Variants in MCHR2 observed in about 807,000 individuals in gnomAD.
MCHR2 encodes melanin concentrating hormone receptor 2, also known as melanin-concentrating hormone receptor 2.
In MCHR2, 15 loss-of-function variants were observed where a neutral mutation model predicts 24.8. The ratio of observed to expected loss-of-function variants is 0.60; its 90% CI spans 0.40 to 0.93. The LOEUF is 0.93. Among genes scored for constraint, MCHR2 ranks in the 40% least tolerant of loss-of-function variants. The pLI is 0.00. For missense variants in MCHR2, 386 were observed against 408.7 expected (o/e 0.94, Z 0.48); for synonymous variants, 151 against 147.6 (o/e 1.02, Z -0.17).
chr6:99,988,141 A>G (rs1020506955), intron 1 of MCHR2, among the ~76,000 whole-genome samples: 64 of 152,312 alleles, frequency 4.2e-4, no homozygotes, highest in Middle Eastern at 6.8e-3. Context: ...TGTCAGTTTC[A>G]GAAGACCCAG....
intron 5 of MCHR2, among the ~76,000 whole-genome samples, chr6:99,926,117 G>T (rs1281648728): frequency 1.4e-4 from 21 of 152,094 alleles, no homozygotes; most frequent in Admixed American, 2.6e-4. Context: ...AGTTTACTGA[G>T]AATGATGATT....
intron 1 of MCHR2, among the ~76,000 whole-genome samples, chr6:99,973,244 C>T (rs1221207387): frequency 6.6e-6 from 1 of 151,740 alleles, no homozygotes; most frequent in Non-Finnish European, 1.5e-5. Context: ...AATCTGGGTG[C>T]TCCTGTATTG....
intron 2 of MCHR2, among the ~76,000 whole-genome samples, chr6:99,954,797 G>C (rs1377048971): frequency 6.6e-6 from 1 of 152,152 alleles, no homozygotes; most frequent in Non-Finnish European, 1.5e-5. Flanking sequence ...CTGAGAGAGT[G>C]ACGCCTTTAC....
intron 1 of MCHR2, among the ~76,000 whole-genome samples, chr6:99,975,866 T>G (rs1775539389): frequency 6.6e-6 from 1 of 152,254 alleles, no homozygotes; most frequent in African/African-American, 2.4e-5. Flanking sequence ...CAGAAAGGCA[T>G]GTCACTTTTC....
chr6:99,983,677 T>G (rs1189209645), intron 1 of MCHR2, among the ~76,000 whole-genome samples: 2 of 152,214 alleles, frequency 1.3e-5, no homozygotes, highest in African/African-American at 4.8e-5. Flanking sequence ...TGCAAATTTC[T>G]TCCTCGAAAC....
At chr6:99,984,984 GA>G (rs1775745595) in intron 1 of MCHR2, among the ~76,000 whole-genome samples, 1 of 152,068 alleles carries the variant, frequency 6.6e-6, no homozygotes, top group Non-Finnish European at 1.5e-5. Context: ...TAAAGTTTCA[GA>G]ATACATAATC....
intron 1 of MCHR2, among the ~76,000 whole-genome samples, chr6:99,970,016 A>AT (rs775684359): frequency 2.1e-5 from 3 of 145,156 alleles, no homozygotes; most frequent in Non-Finnish European, 3.0e-5. Flanking sequence ...GCTGCAATAA[A>AT]CATACGTGTG....
intron 2 of MCHR2, among the ~76,000 whole-genome samples, chr6:99,954,655 A>G (rs1775025654): frequency 6.6e-6 from 1 of 152,090 alleles, no homozygotes; most frequent in South Asian, 2.1e-4. Context: ...AGTGGTGTTA[A>G]TGGTCATATT....
intron 2 of MCHR2, among the ~76,000 whole-genome samples, chr6:99,949,504 T>C (rs1401770881): frequency 6.6e-6 from 1 of 152,180 alleles, no homozygotes; most frequent in Non-Finnish European, 1.5e-5. Context: ...CTAGTGTGTG[T>C]CTTTATTATT....
At chr6:99,989,636 C>T (rs933749235) in intron 1 of MCHR2, among the ~76,000 whole-genome samples, 7 of 151,994 alleles carry the variant, frequency 4.6e-5, no homozygotes, top group African/African-American at 1.2e-4. Flanking sequence ...CTTTAGGGTC[C>T]AAAACTGCTC....
chr6:99,947,829 T>C lies in MCHR2; in HGVS notation c.325A>G (p.Ile109Val), dbSNP rs1173147434. ...WVFGGPLCTIITSLDTCNQFA... is the reference protein window; with the variant it reads ...WVFGGPLCTIVTSLDTCNQFA... ...TGGTTACAAGTATCCAGGGATGTGA[T>C]GATGGTGCAGAGAGGCCCCCCAAAC... Residue 109 changes from isoleucine (I) to valine (V), a missense_variant, in exon 3 of 6, where the codon ATC becomes GTC. Ile to Val is a conservative substitution (Grantham distance 29). Coordinates refer to ENST00000281806, the MANE Select transcript of MCHR2 (RefSeq NM_001040179.2). 1.9e-6 allele frequency: 3 copies of C among 1,613,824 alleles called. No individual in the cohort carries two copies. Among genetic ancestry groups the C allele is most frequent in the Admixed American group, 1.7e-5 (1 of 59,968 alleles).
intron 4 of MCHR2, among the ~76,000 whole-genome samples, chr6:99,942,294 C>A (rs1324902632): frequency 6.6e-6 from 1 of 152,100 alleles, no homozygotes; most frequent in Non-Finnish European, 1.5e-5. Context: ...CTGCTCTATG[C>A]CCCCTCCTAC....
chr6:99,942,950 A>G lies in MCHR2; in HGVS notation c.586T>C (p.Trp196Arg). The G allele has an allele frequency of 6.2e-7, 1 of 1,608,890 alleles. No individual in the cohort carries two copies. Among genetic ancestry groups the G allele is most frequent in the Non-Finnish European group, 8.5e-7 (1 of 1,177,278 alleles). Residue 196 changes from tryptophan to arginine, a missense_variant and splice_region_variant, in exon 4 of 6, where the codon TGG (tryptophan) becomes CGG (arginine). Coordinates refer to ENST00000281806, the MANE Select transcript of MCHR2 (RefSeq NM_001040179.2). ...TTTTCTTAAGTTTTCACAACTTACC[A>G]GAGTACATCGTCAGGGGATGTCAAA... ...FDLTSPDDVL[W>R]YTLYLTITTF...
chr6:99,929,546 G>C (rs569225614), intron 5 of MCHR2, among the ~76,000 whole-genome samples: 4 of 152,040 alleles, frequency 2.6e-5, no homozygotes, highest in Non-Finnish European at 5.9e-5. Flanking sequence ...TATATATTTA[G>C]GATAGTTAGC....
intron 2 of MCHR2, among the ~76,000 whole-genome samples, 183 bp from the exon 3 acceptor site, chr6:99,948,154 A>T (rs1377588199): frequency 6.6e-6 from 1 of 152,180 alleles, no homozygotes; most frequent in Middle Eastern, 3.2e-3. Flanking sequence ...TATTTATTTG[A>T]TAACTTACTG....
At chr6:99,933,506 G>A in intron 5 of MCHR2, among the ~76,000 whole-genome samples, 1 of 151,916 alleles carries the variant, frequency 6.6e-6, no homozygotes, top group Non-Finnish European at 1.5e-5. Flanking sequence ...CACTTTACTA[G>A]TGCAAGACTT....
chr6:99,957,023 C>G (rs1041397527), intron 1 of MCHR2, among the ~76,000 whole-genome samples: 2 of 151,744 alleles, frequency 1.3e-5, no homozygotes, highest in Non-Finnish European at 2.9e-5. Flanking sequence ...TACTCAAGGT[C>G]TGAAAAATCA....
At position 99,921,238 on chromosome 6, in the gene MCHR2, G is replaced by A; in HGVS notation, c.725C>T (p.Pro242Leu). The change falls in exon 6 of 6, where the codon CCA becomes CTA. Residue 242 changes from proline (P) to leucine (L), a missense_variant. Physicochemically the swap from Pro to Leu is moderately conservative, Grantham distance 98 (BLOSUM62 -3). Coordinates refer to ENST00000281806, the MANE Select transcript of MCHR2 (RefSeq NM_001040179.2). ...KDARCCNPSV[P>L]KQRVMKLTKM... Reference sequence around the variant, plus strand: ...TGTCAACTTCATCACTCTCTGTTTTGGTACACTGGGATTGCAGCTGCAGAG... The same window carrying A: ...TGTCAACTTCATCACTCTCTGTTTTAGTACACTGGGATTGCAGCTGCAGAG... 1 of 1,613,240 alleles carries A rather than the reference G, an allele frequency of 6.2e-7. No homozygotes were observed. The highest frequency in any genetic ancestry group is 8.5e-7 in the Non-Finnish European group (1 of 1,179,550).
chr6:99,971,302 AT>A (rs1775413443), intron 1 of MCHR2, among the ~76,000 whole-genome samples: 1 of 149,866 alleles, frequency 6.7e-6, no homozygotes, highest in Non-Finnish European at 1.5e-5. Context: ...ATTCCTAGGT[AT>A]TTTATTCTCT....
Sources: allele counts gnomAD v4.1 joint callset (sites outside exome capture counted in the v4.1 genomes callset), GRCh38; gene constraint gnomAD v4.1.1; transcripts MANE v1.5; gene names NCBI Gene and HGNC (gene_info 2026-07-23, HGNC 2026-07-21).